Variants in TRIO observed in about 807,000 individuals in gnomAD.
TRIO encodes triple functional domain protein.
A neutral mutation model predicts 351.9 loss-of-function variants in TRIO; 58 were observed. The ratio of observed to expected loss-of-function variants is 0.16; its 90% confidence interval spans 0.13 to 0.21. The LOEUF (loss-of-function observed/expected upper bound fraction) is 0.21, where lower values mean the gene tolerates loss of function less well. TRIO is among the 10% of genes least tolerant of loss of function. The pLI is 1.00. For missense variants in TRIO, 3,201 were observed against 4,027.8 expected (o/e 0.79, Z 5.56); for synonymous variants, 1,758 against 1,595.7 (o/e 1.10, Z -2.42).
intron 34 of TRIO, among the ~76,000 whole-genome samples, chr5:14,437,544 A>G (rs1233795848): frequency 6.6e-6 from 1 of 152,108 alleles, no homozygotes; most frequent in Non-Finnish European, 1.5e-5. Context: ...GGAGACTGAG[A>G]GTTAGAGATC....
intron 1 of TRIO, among the ~76,000 whole-genome samples, chr5:14,187,758 G>A (rs1349177756): frequency 6.6e-6 from 1 of 151,856 alleles, no homozygotes; most frequent in Non-Finnish European, 1.5e-5. Flanking sequence ...TGTTATTTAG[G>A]TGTTGCGTTC....
chr5:14,272,701 G>T (rs1000046378), intron 2 of TRIO, among the ~76,000 whole-genome samples: 1 of 152,194 alleles, frequency 6.6e-6, no homozygotes, highest in Non-Finnish European at 1.5e-5. Context: ...TTAGCAAAAT[G>T]ACGTTAGTAG....
intron 3 of TRIO, among the ~76,000 whole-genome samples, chr5:14,284,867 T>C (rs1736306532): frequency 6.6e-6 from 1 of 152,204 alleles, no homozygotes; most frequent in South Asian, 2.1e-4. Flanking sequence ...TAGAATGCCT[T>C]ACTGGGCAGC....
chr5:14,410,834 C>T (rs1749139408), intron 33 of TRIO, among the ~76,000 whole-genome samples: 1 of 152,200 alleles, frequency 6.6e-6, no homozygotes, highest in African/African-American at 2.4e-5. Flanking sequence ...CGGGGTTAGC[C>T]AGGCCACGGC....
chr5:14,410,102 TGTC>T (rs1387089504), intron 33 of TRIO, among the ~76,000 whole-genome samples: 2 of 152,136 alleles, frequency 1.3e-5, no homozygotes, highest in East Asian at 3.9e-4. Flanking sequence ...AAGGATGAAA[TGTC>T]GTGTCGTGAG....
chr5:14,457,868 G>A (rs150732644), intron 34 of TRIO, among the ~76,000 whole-genome samples: 40 of 152,154 alleles, frequency 2.6e-4, no homozygotes, highest in African/African-American at 8.7e-4. Flanking sequence ...TGTCACTTAG[G>A]CTTCATACCA....
At chr5:14,183,737 T>G in intron 1 of TRIO, 2 of 472,250 alleles carry the variant, frequency 4.2e-6, no homozygotes, top group Admixed American at 3.4e-5. Context: ...GCCCCTCCCG[T>G]TTGCTGAGGA....
intron 1 of TRIO, among the ~76,000 whole-genome samples, chr5:14,146,245 C>T (rs572608037): frequency 6.6e-6 from 1 of 152,224 alleles, no homozygotes; most frequent in East Asian, 1.9e-4. Context: ...GAGAATGGAG[C>T]AGTCAAATCC....
intron 1 of TRIO, among the ~76,000 whole-genome samples, chr5:14,174,026 A>G (rs534887341): frequency 1.6e-4 from 25 of 152,340 alleles, no homozygotes; most frequent in South Asian, 4.1e-4. Context: ...AGTAAGACAG[A>G]GAAATATGTC....
At chr5:14,240,723 T>A (rs1794077486) in intron 1 of TRIO, among the ~76,000 whole-genome samples, 1 of 152,226 alleles carries the variant, frequency 6.6e-6, no homozygotes, top group Admixed American at 6.5e-5. Context: ...GACGGACTAC[T>A]TACATTTCAC....
chr5:14,420,613 A>G (rs1047007046), intron 34 of TRIO: 1 of 153,162 alleles, frequency 6.5e-6, no homozygotes, highest in African/African-American at 2.4e-5. Flanking sequence ...GTCCACTTCC[A>G]TTTCTGGTGA....
chr5:14,502,558 C>A, intron 53 of TRIO, 21 bp from the exon 54 acceptor site: 1 of 1,613,356 alleles, frequency 6.2e-7, no homozygotes, highest in Non-Finnish European at 8.5e-7. Flanking sequence ...CAAGCTCAGG[C>A]AGGTGCTGTT....
Position 14,381,200 on chromosome 5 carries a change from A to G in TRIO, c.3518A>G (p.Gln1173Arg). The G allele has an allele frequency of 1.2e-6, 2 of 1,614,128 alleles. No homozygotes were observed. The highest frequency in any genetic ancestry group is 1.7e-6 in the Non-Finnish European group (2 of 1,180,016). Residue 1173 changes from glutamine (Q) to arginine (R), a missense_variant, in exon 21 of 57, where the codon CAG (glutamine) becomes CGG (arginine). Around this residue, in one of 19 missense-constraint regions of TRIO, gnomAD observed 201 missense variants for 266.5 expected, o/e 0.75. Coordinates refer to ENST00000344204, the MANE Select transcript of TRIO (RefSeq NM_007118.4). ...STHTSTGSSI[Q>R]HTQELLKEHE... ...CACACCTCCACGGGCTCCAGTATAC[A>G]GCACACCCAGGAGCTCCTGAAAGAG...
At chr5:14,501,800 G>A (rs946435408) in intron 53 of TRIO, among the ~76,000 whole-genome samples, 2 of 152,200 alleles carry the variant, frequency 1.3e-5, no homozygotes, top group Non-Finnish European at 2.9e-5. Flanking sequence ...AACTAAGTGG[G>A]GAGAGGAGGC....
At chr5:14,145,570 G>A (rs1388169547) in intron 1 of TRIO, among the ~76,000 whole-genome samples, 2 of 151,932 alleles carry the variant, frequency 1.3e-5, no homozygotes, top group Non-Finnish European at 2.9e-5. Flanking sequence ...GCAGAACTGG[G>A]ACGTATTCCC....
At chr5:14,320,112 A>G (rs570353920) in intron 9 of TRIO, among the ~76,000 whole-genome samples, 3 of 276 alleles carry the variant, frequency 0.011, no homozygotes, top group South Asian at 0.17. Context: ...CACATTTCCT[A>G]ATGATCAGAT....
intron 48 of TRIO, 120 bp from the exon 49 acceptor site, chr5:14,492,447 G>C: frequency 1.4e-6 from 2 of 1,380,846 alleles, no homozygotes; most frequent in Non-Finnish European, 9.8e-7. Flanking sequence ...CTCGGTGCTT[G>C]CCTGGTGAGC....
chr5:14,327,906 T>G (rs1014338885), intron 9 of TRIO, among the ~76,000 whole-genome samples: 3 of 152,238 alleles, frequency 2.0e-5, no homozygotes, highest in African/African-American at 7.2e-5. Context: ...GACCTGTGTT[T>G]TATAATATAA....
intron 9 of TRIO, among the ~76,000 whole-genome samples, chr5:14,320,002 C>G (rs1244912111): frequency 6.6e-6 from 1 of 152,184 alleles, no homozygotes; most frequent in Non-Finnish European, 1.5e-5. Context: ...CAATTTAGAG[C>G]TGGGCGGGGA....
Sources: allele counts gnomAD v4.1 joint callset (sites outside exome capture counted in the v4.1 genomes callset), GRCh38; gene constraint gnomAD v4.1.1; regional missense constraint gnomAD v4.1.1; transcripts MANE v1.5; gene names NCBI Gene and HGNC (gene_info 2026-07-23, HGNC 2026-07-21).